ANGEL2: variants seen among roughly 807,000 people sequenced by gnomAD.
ANGEL2 encodes the protein angel homolog 2.
Under a neutral mutation model 66.0 loss-of-function variants are expected in ANGEL2, and 41 were observed. The ratio of observed to expected loss-of-function variants is 0.62; its 90% CI spans 0.48 to 0.81. The LOEUF (loss-of-function observed/expected upper bound fraction) is 0.81, where lower values mean the gene tolerates loss of function less well. Ranked by LOEUF, ANGEL2 falls within the 30% of genes least tolerant of loss-of-function variation. The pLI, the probability that ANGEL2 is intolerant of heterozygous loss-of-function variation, is 0.00. For missense variants in ANGEL2, 561 were observed against 641.6 expected (o/e 0.87, Z 1.36); for synonymous variants, 208 against 226.5 (o/e 0.92, Z 0.73).
intron 2 of ANGEL2, among the ~76,000 whole-genome samples, chr1:213,012,427 G>T (rs1334562572): frequency 6.6e-6 from 1 of 152,158 alleles, no homozygotes; most frequent in Non-Finnish European, 1.5e-5. Context: ...AGCACAGAGG[G>T]AGTCTAGTGA....
Position 213,008,229 on chromosome 1 carries a change from A to T in ANGEL2, c.623T>A (p.Ile208Asn). The T allele has an allele frequency of 6.2e-7, 1 of 1,612,984 alleles. No homozygotes were observed. Among genetic ancestry groups the T allele is most frequent in the Non-Finnish European group, 8.5e-7 (1 of 1,179,510 alleles). ...ACTTACGTCTGCATCAAAATGTTTA[A>T]TTTCTTTCAGAATATTGGGAAACCT... is the stretch of plus-strand genomic sequence containing the variant. ...SFRFPNILKE[I>N]KHFDADVLCL... The change falls in exon 3 of 9, where the codon ATT (isoleucine) becomes AAT (asparagine). Residue 208 changes from isoleucine (I) to asparagine (N), a missense_variant. Ile to Asn is a moderately radical substitution (Grantham distance 149). Coordinates refer to ENST00000366962, the MANE Select transcript of ANGEL2 (RefSeq NM_144567.5).
chr1:213,015,571 C>T (rs1416078529), intron 1 of ANGEL2, 42 bp downstream of exon 1: 2 of 1,606,558 alleles, frequency 1.2e-6, no homozygotes, highest in Admixed American at 1.7e-5. Flanking sequence ...TTTCAGGCCG[C>T]CCGCCCCTCT....
At chr1:213,006,708 T>C (rs1481462678) in intron 4 of ANGEL2, 1 of 162,326 alleles carries the variant, frequency 6.2e-6, no homozygotes, top group Non-Finnish European at 1.3e-5. Flanking sequence ...GAAAGGGAGC[T>C]ACTAAGATAT....
At position 212,994,761 on chromosome 1, in the gene ANGEL2, A is replaced by T. The variant is rs1289778481; in HGVS notation, c.*280T>A. The stretch of plus-strand genomic sequence containing the variant: ...AGACAAAGGAAGATGCATTATATTT[A>T]AAAATCACTGTCAATTTTACTAGGA... On this transcript the variant is annotated 3_prime_UTR_variant, in exon 9 of 9. Coordinates refer to ENST00000366962, the MANE Select transcript of ANGEL2 (RefSeq NM_144567.5). The T allele has an allele frequency of 4.9e-6, 1 of 204,976 alleles. No individual in the cohort carries two copies. The highest frequency in any genetic ancestry group is 2.3e-5 in the African/African-American group (1 of 43,636). The allele number at this position is 204,976 out of a possible 1,614,324, so 12.7% of individuals were successfully genotyped here. A position where few individuals can be genotyped will look rare whatever the true frequency, so the allele number is the denominator to read the frequency against.
At chr1:213,007,033 G>T (rs1252620798) in intron 4 of ANGEL2, 96 bp downstream of exon 4, 1 of 1,170,154 alleles carries the variant, frequency 8.5e-7, no homozygotes, top group Non-Finnish European at 1.2e-6. Flanking sequence ...GGTTGAGGCT[G>T]TAGTGAGCCA....
At chr1:212,997,511 T>C (rs2076058836) in intron 7 of ANGEL2, among the ~76,000 whole-genome samples, 193 bp from the exon 8 acceptor site, 1 of 152,240 alleles carries the variant, frequency 6.6e-6, no homozygotes, top group Non-Finnish European at 1.5e-5. Context: ...AATAAAGCCA[T>C]TATAAATGTG....
chr1:213,008,134 G>A, intron 3 of ANGEL2, 76 bp downstream of exon 3: 2 of 1,500,188 alleles, frequency 1.3e-6, no homozygotes, highest in South Asian at 1.3e-5. Flanking sequence ...AAAGTGCTGG[G>A]ATTACAAGCA....
chr1:212,996,449 C>G (rs1386035669), intron 8 of ANGEL2, among the ~76,000 whole-genome samples: 3 of 145,326 alleles, frequency 2.1e-5, no homozygotes, highest in South Asian at 2.1e-4. Flanking sequence ...CGGTGAAACC[C>G]TGTCTCTACA....
chr1:212,995,213 C>A, intron 8 of ANGEL2, 21 bp from the exon 9 acceptor site: 1 of 1,574,974 alleles, frequency 6.3e-7, no homozygotes, highest in Middle Eastern at 1.7e-4. Flanking sequence ...GAAGCACACA[C>A]ATATTTAGTA....
chr1:213,012,151 T>G (rs2076525131), intron 2 of ANGEL2, among the ~76,000 whole-genome samples: 1 of 152,220 alleles, frequency 6.6e-6, no homozygotes, highest in South Asian at 2.1e-4. Flanking sequence ...TGTAGACTAC[T>G]TTCTGATAAC....
Position 212,994,272 on chromosome 1 carries a change from AACTCC to A in ANGEL2, c.*764_*768del, listed in dbSNP as rs1210542811. ...CCCCCAGCCTGGGCAACAAGAGTGAAACTCCATCTCAAAAAATAAAATAAAATAAA... is the reference window on the plus strand; with the variant it reads ...CCCCCAGCCTGGGCAACAAGAGTGAAATCTCAAAAAATAAAATAAAATAAA... On this transcript the variant is annotated 3_prime_UTR_variant, in exon 9 of 9. Transcript: ENST00000366962. 1 of 152,226 alleles carries A rather than the reference AACTCC, an allele frequency of 6.6e-6. No individual in the cohort carries two copies. The highest frequency in any genetic ancestry group is 2.4e-5 in the African/African-American group (1 of 41,430). The allele number at this position is 152,226 out of a possible 1,614,324, so 9.4% of individuals were successfully genotyped here.
At chr1:213,014,635 C>T (rs2076591574) in intron 1 of ANGEL2, among the ~76,000 whole-genome samples, 1 of 152,058 alleles carries the variant, frequency 6.6e-6, no homozygotes, top group African/African-American at 2.4e-5. Flanking sequence ...TTTATTCAGA[C>T]TTTTTTTTCT....
At chr1:213,015,574 GCC>G (rs1470902645) in intron 1 of ANGEL2, 37 bp downstream of exon 1, 7 of 1,057,994 alleles carry the variant, frequency 6.6e-6, no homozygotes, top group Non-Finnish European at 8.1e-6. Flanking sequence ...CAGGCCGCCC[GCC>G]CCTCTCTCCT....
intron 5 of ANGEL2, among the ~76,000 whole-genome samples, chr1:213,004,652 G>A (rs1321742374): frequency 6.6e-6 from 1 of 151,894 alleles, no homozygotes; most frequent in Non-Finnish European, 1.5e-5. Context: ...GGTGGATCAC[G>A]ACGTAAGGAG....
intron 1 of ANGEL2, chr1:213,015,179 G>A: frequency 2.0e-6 from 2 of 1,019,624 alleles, no homozygotes; most frequent in African/African-American, 3.4e-5. Flanking sequence ...CCTCCTGGGC[G>A]TGTGCCACAC....
rs866974602 is a variant in ANGEL2 at position 213,011,582 on chromosome 1, C to T, written c.385+1511G>A. On this transcript the variant is annotated intron_variant, in intron 2 of 8. Coordinates refer to ENST00000366962, the MANE Select transcript of ANGEL2 (RefSeq NM_144567.5). Reference sequence around the variant, plus strand: ...TTCTGAGTACCTACTATGAAGCCAACAGTGTGTTAGGCACTTTGACATACA... The same window carrying T: ...TTCTGAGTACCTACTATGAAGCCAATAGTGTGTTAGGCACTTTGACATACA... The T allele has an allele frequency of 2.8e-5, 15 of 538,696 alleles. No individual in the cohort carries two copies. In the Admixed American group the frequency reaches 4.7e-4, roughly 17 times the overall value. The allele number at this position is 538,696 out of a possible 1,614,324, so 33.4% of individuals were successfully genotyped here. A position where few individuals can be genotyped will look rare whatever the true frequency, so the allele number is the denominator to read the frequency against.
chr1:213,008,976 T>A (rs1193155532), intron 2 of ANGEL2, among the ~76,000 whole-genome samples: 1 of 152,192 alleles, frequency 6.6e-6, no homozygotes, highest in Non-Finnish European at 1.5e-5. Context: ...ATGAAAGAAG[T>A]GTATATAATG....
At position 213,013,305 on chromosome 1, in the gene ANGEL2, G is replaced by C. The variant is rs1347925286; in HGVS notation, c.173C>G (p.Pro58Arg). 1.2e-6 allele frequency: 2 copies of C among 1,614,006 alleles called. No homozygotes were observed. Among genetic ancestry groups the C allele is most frequent in the Admixed American group, 3.3e-5 (2 of 60,000 alleles). ...GTAAGGAGCTCGAGAGTAATGTCCA[G>C]GCCACCTCATACAACTAGAAATATG... ...NRHISSCMRW[P>R]GHYSRAPYPY... The change falls in exon 2 of 9, where the codon CCT becomes CGT. Residue 58 changes from proline (P) to arginine (R), a missense_variant. By Grantham distance (103) the Pro-to-Arg change is moderately radical (BLOSUM62 -2). Coordinates refer to ENST00000366962, the MANE Select transcript of ANGEL2 (RefSeq NM_144567.5).
chr1:213,012,075 T>C (rs2076522954), intron 2 of ANGEL2, among the ~76,000 whole-genome samples: 1 of 152,218 alleles, frequency 6.6e-6, no homozygotes. Flanking sequence ...TGTAACTGTG[T>C]AGCAATAAGT....
Sources: gnomAD v4.1 joint callset for allele counts (sites outside exome capture counted in the v4.1 genomes callset) on GRCh38, gnomAD v4.1.1 for gene constraint, MANE v1.5 for transcripts, NCBI Gene and HGNC (gene_info 2026-07-23, HGNC 2026-07-21) for gene names.